The following ADCY2 variants were observed in gnomAD, a reference collection of about 807,000 sequenced individuals.
ADCY2 encodes the protein adenylate cyclase 2, also known as adenylate cyclase type 2.
ADCY2 carries 31 observed loss-of-function variants against 125.2 expected under a neutral mutation model. That is an observed-to-expected ratio of 0.25 (90% CI 0.19 to 0.33). The LOEUF is 0.33. Among genes scored for constraint, ADCY2 ranks in the 10% least tolerant of loss-of-function variants. ADCY2 has a pLI of 1.00. For missense variants in ADCY2, 904 were observed against 1,418.2 expected (o/e 0.64, Z 5.82); for synonymous variants, 512 against 548.4 (o/e 0.93, Z 0.93).
intron 2 of ADCY2, among the ~76,000 whole-genome samples, chr5:7,415,043 A>ATG (rs774466655): frequency 3.3e-5 from 5 of 152,272 alleles, no homozygotes; most frequent in South Asian, 2.1e-4. Flanking sequence ...GTGTATGTAT[A>ATG]TGTGTGTGTG....
intron 3 of ADCY2, among the ~76,000 whole-genome samples, chr5:7,527,120 C>T (rs908750699): frequency 6.6e-6 from 1 of 152,208 alleles, no homozygotes; most frequent in Admixed American, 6.5e-5. Flanking sequence ...TGAAACCCTT[C>T]TCTCCACCCA....
intron 3 of ADCY2, among the ~76,000 whole-genome samples, chr5:7,526,000 C>T (rs1734444868): frequency 1.3e-5 from 2 of 151,908 alleles, no homozygotes; most frequent in Non-Finnish European, 2.9e-5. Context: ...TGTGTGGATC[C>T]CCTCCCCTGT....
chr5:7,733,541 C>T (rs1305111497), intron 14 of ADCY2, among the ~76,000 whole-genome samples: 1 of 152,154 alleles, frequency 6.6e-6, no homozygotes, highest in African/African-American at 2.4e-5. Context: ...ACATTAGATA[C>T]ATGTGCGTGT....
chr5:7,662,091 G>A lies in ADCY2; in HGVS notation c.721-28600G>A, dbSNP rs115192333. Among the ~76,000 whole-genome samples the A allele has an allele frequency of 2.2e-3, 342 of 152,208 alleles. 1 individual carries two copies. Among genetic ancestry groups the A allele is most frequent in the African/African-American group, 7.7e-3 (318 of 41,532 alleles). On this transcript the variant is annotated intron_variant, in intron 4 of 24. Coordinates refer to ENST00000338316, the MANE Select transcript of ADCY2 (RefSeq NM_020546.3). Reference sequence around the variant, plus strand: ...GGAAAGCCATTATTCTCCTTACCACGCATAGCCTCCTCACTTTTGTTAATC... The same window carrying A: ...GGAAAGCCATTATTCTCCTTACCACACATAGCCTCCTCACTTTTGTTAATC...
At chr5:7,820,426 G>T in intron 23 of ADCY2, 139 bp from the exon 24 acceptor site, 1 of 1,057,042 alleles carries the variant, frequency 9.5e-7, no homozygotes, top group Non-Finnish European at 1.3e-6. Context: ...CCTGGGAGGT[G>T]AAGGTTGCAG....
intron 4 of ADCY2, among the ~76,000 whole-genome samples, chr5:7,663,138 G>T (rs1256238534): frequency 6.6e-6 from 1 of 152,198 alleles, no homozygotes; most frequent in African/African-American, 2.4e-5. Context: ...ATCACTAGCA[G>T]AATTCTTAAT....
chr5:7,690,347 A>T (rs1740666686), intron 4 of ADCY2, among the ~76,000 whole-genome samples: 1 of 152,212 alleles, frequency 6.6e-6, no homozygotes, highest in South Asian at 2.1e-4. Context: ...TCTCTATCTT[A>T]GACTGACCAG....
intron 4 of ADCY2, among the ~76,000 whole-genome samples, chr5:7,679,236 G>A (rs1561162502): frequency 6.6e-6 from 1 of 152,200 alleles, no homozygotes; most frequent in Non-Finnish European, 1.5e-5. Flanking sequence ...AGGACTGGGT[G>A]GAAATGACGT....
intron 2 of ADCY2, among the ~76,000 whole-genome samples, chr5:7,437,195 G>A (rs1740837245): frequency 6.6e-6 from 1 of 152,176 alleles, no homozygotes; most frequent in Non-Finnish European, 1.5e-5. Flanking sequence ...TGCATGTAAG[G>A]GATTGGCTTA....
intron 4 of ADCY2, among the ~76,000 whole-genome samples, chr5:7,657,857 A>G (rs1739391747): frequency 6.6e-6 from 1 of 152,186 alleles, no homozygotes; most frequent in African/African-American, 2.4e-5. Flanking sequence ...ATTCCCAGCA[A>G]TTAGTTCTCC....
At chr5:7,663,921 A>G (rs142767358) in intron 4 of ADCY2, among the ~76,000 whole-genome samples, 1 of 152,222 alleles carries the variant, frequency 6.6e-6, no homozygotes, top group Non-Finnish European at 1.5e-5. Flanking sequence ...TCAGGAAGGT[A>G]TCTGAAGCAA....
At chr5:7,630,930 G>A (rs1424757389) in intron 4 of ADCY2, among the ~76,000 whole-genome samples, 1 of 151,814 alleles carries the variant, frequency 6.6e-6, no homozygotes, top group African/African-American at 2.4e-5. Context: ...AGGGACTACA[G>A]GTGTCCACCA....
chr5:7,509,401 A>G (rs1012841467), intron 2 of ADCY2, among the ~76,000 whole-genome samples: 1 of 152,216 alleles, frequency 6.6e-6, no homozygotes, highest in Non-Finnish European at 1.5e-5. Flanking sequence ...AGAACAGATG[A>G]AGAGCTGGAG....
intron 2 of ADCY2, among the ~76,000 whole-genome samples, chr5:7,444,632 G>T (rs1295122617): frequency 6.6e-6 from 1 of 151,906 alleles, no homozygotes; most frequent in Non-Finnish European, 1.5e-5. Context: ...ATTTTTGCCG[G>T]TGTATCTTTG....
intron 3 of ADCY2, among the ~76,000 whole-genome samples, chr5:7,582,124 G>A (rs1174727072): frequency 6.6e-6 from 1 of 152,110 alleles, no homozygotes; most frequent in Non-Finnish European, 1.5e-5. Context: ...GAGTGGCTAG[G>A]TTAACATTAT....
intron 5 of ADCY2, chr5:7,691,854 C>T: frequency 6.4e-6 from 1 of 156,610 alleles, no homozygotes; most frequent in South Asian, 1.8e-4. Context: ...ACTGGGGAGG[C>T]CTCAGGAAAC....
chr5:7,757,663 C>A (rs79709987), intron 16 of ADCY2, 77 bp downstream of exon 16: 1 of 1,061,566 alleles, frequency 9.4e-7, no homozygotes, highest in African/African-American at 3.0e-5. Flanking sequence ...AAGCCCCAGA[C>A]CACAGCCGTG....
chr5:7,504,238 A>G (rs1743712959), intron 2 of ADCY2, among the ~76,000 whole-genome samples: 2 of 152,254 alleles, frequency 1.3e-5, no homozygotes, highest in Non-Finnish European at 2.9e-5. Context: ...GAAACGACAG[A>G]GCCAAAATCC....
intron 3 of ADCY2, among the ~76,000 whole-genome samples, chr5:7,625,663 G>A (rs1022742571): frequency 2.2e-4 from 34 of 152,194 alleles, no homozygotes; most frequent in African/African-American, 7.7e-4. Context: ...TGTGAGGGCA[G>A]TTTGTATCAC....
Sources: gnomAD v4.1 joint callset for allele counts (sites outside exome capture counted in the v4.1 genomes callset) on GRCh38, gnomAD v4.1.1 for gene constraint, MANE v1.5 for transcripts, NCBI Gene and HGNC (gene_info 2026-07-23, HGNC 2026-07-21) for gene names.